Variants in KCNH7 observed in about 807,000 individuals in gnomAD.
KCNH7 encodes potassium voltage-gated channel subfamily H member 7, also known as voltage-gated inwardly rectifying potassium channel KCNH7.
A neutral mutation model predicts 120.8 loss-of-function variants in KCNH7; 49 were observed. The observed-to-expected ratio is 0.41, with a 90% CI of 0.32 to 0.51. The LOEUF is 0.51. Ranked by LOEUF, KCNH7 falls within the 20% of genes least tolerant of loss-of-function variation. KCNH7 has a pLI of 0.38. For missense variants in KCNH7, 1,097 were observed against 1,446.6 expected (o/e 0.76, Z 3.92); for synonymous variants, 547 against 516.1 (o/e 1.06, Z -0.81).
chr2:162,599,847 TC>T (rs2105949030), intron 2 of KCNH7, among the ~76,000 whole-genome samples: 1 of 152,038 alleles, frequency 6.6e-6, no homozygotes, highest in Admixed American at 6.6e-5. Context: ...AACTTTCTAA[TC>T]AGTGAAGCCA....
In KCNH7 at chr2:162,442,002, T is replaced by C. The variant is rs13426902; in HGVS notation, c.1554+4016A>G. Among the ~76,000 whole-genome samples, 430 of 70,158 alleles carry C rather than the reference T, an allele frequency of 6.1e-3. 6 individuals carry two copies. The highest frequency in any genetic ancestry group is 0.039 in the Admixed American group (227 of 5,852). 46.0% of individuals were successfully genotyped at this position (70,158 alleles called of 152,430 possible). A position where few individuals can be genotyped will look rare whatever the true frequency, so the allele number is the denominator to read the frequency against. Reference sequence around the variant, plus strand: ...AAAAATTAAATAGTTAGGTCTTCTTTTTTTTTTTTTTTTTTTTTTTTTTTT... The same window carrying C: ...AAAAATTAAATAGTTAGGTCTTCTTCTTTTTTTTTTTTTTTTTTTTTTTTT... On this transcript the variant is annotated intron_variant, in intron 7 of 15. Coordinates refer to ENST00000332142, the MANE Select transcript of KCNH7 (RefSeq NM_033272.4).
intron 9 of KCNH7, among the ~76,000 whole-genome samples, chr2:162,413,374 G>A (rs560643268): frequency 8.6e-5 from 13 of 152,030 alleles, no homozygotes; most frequent in African/African-American, 2.9e-4. Context: ...TGATCCACCC[G>A]CTTTGGCCTC....
intron 2 of KCNH7, among the ~76,000 whole-genome samples, chr2:162,790,979 G>T (rs1574395958): frequency 1.3e-5 from 2 of 152,110 alleles, no homozygotes; most frequent in African/African-American, 4.8e-5. Context: ...AAAATATTAG[G>T]CAAGGAAAAG....
chr2:162,597,727 T>G (rs1694424157), intron 2 of KCNH7, among the ~76,000 whole-genome samples: 1 of 152,118 alleles, frequency 6.6e-6, no homozygotes, highest in Non-Finnish European at 1.5e-5. Context: ...ATGAAAAGTA[T>G]GTAAGGTGAT....
intron 6 of KCNH7, among the ~76,000 whole-genome samples, chr2:162,476,597 G>A (rs1337631739): frequency 6.6e-6 from 1 of 151,998 alleles, no homozygotes; most frequent in Non-Finnish European, 1.5e-5. Flanking sequence ...CATTTGCTCT[G>A]TATCCTTAAT....
intron 2 of KCNH7, among the ~76,000 whole-genome samples, chr2:162,728,002 C>T (rs1490177963): frequency 2.0e-5 from 3 of 152,096 alleles, no homozygotes; most frequent in Admixed American, 6.5e-5. Context: ...TTCATGAGTA[C>T]ATATGTTTTC....
At chr2:162,616,405 T>C (rs6432728) in intron 2 of KCNH7, among the ~76,000 whole-genome samples, 77,198 of 151,712 alleles carry the variant, frequency 0.51, 19,819 homozygotes, top group Middle Eastern at 0.62. Context: ...TTGGGGGTGG[T>C]GTGGAGAAGT....
chr2:162,762,207 T>A (rs151329075), intron 2 of KCNH7, among the ~76,000 whole-genome samples: 83 of 152,168 alleles, frequency 5.5e-4, no homozygotes, highest in African/African-American at 1.5e-3. Flanking sequence ...CTTTTTTGTT[T>A]GTTTGTTTTT....
chr2:162,670,082 C>T (rs1685290511), intron 2 of KCNH7, among the ~76,000 whole-genome samples: 1 of 152,004 alleles, frequency 6.6e-6, no homozygotes, highest in Non-Finnish European at 1.5e-5. Flanking sequence ...GCCTGGGCGA[C>T]AAGAGCGAAA....
intron 9 of KCNH7, among the ~76,000 whole-genome samples, chr2:162,409,661 T>C (rs987985238): frequency 6.6e-6 from 1 of 151,998 alleles, no homozygotes; most frequent in Non-Finnish European, 1.5e-5. Context: ...GCAGACGATA[T>C]GATTCTGTAT....
rs535432757 is a variant in KCNH7 at position 162,739,097 on chromosome 2, C to A, written c.307+97440G>T. Among the ~76,000 whole-genome samples, 8 of 152,210 alleles carry A rather than the reference C, an allele frequency of 5.3e-5. No individual in the cohort carries two copies. The South Asian group carries it at 1.2e-3, about 24-fold the overall frequency. ...TTCAGGCCCTTCTGAAATACTGATGCCCATCTTCTTTGGGAGCCTCAGATG... is the reference window on the plus strand; with the variant it reads ...TTCAGGCCCTTCTGAAATACTGATGACCATCTTCTTTGGGAGCCTCAGATG... On this transcript the variant is annotated intron_variant, in intron 2 of 15. Coordinates refer to ENST00000332142, the MANE Select transcript of KCNH7 (RefSeq NM_033272.4).
chr2:162,717,501 G>C (rs955197085), intron 2 of KCNH7, among the ~76,000 whole-genome samples: 1 of 152,058 alleles, frequency 6.6e-6, no homozygotes, highest in Non-Finnish European at 1.5e-5. Context: ...TTTGCACCTT[G>C]TCATTCTTCA....
At chr2:162,490,410 A>G (rs1574021649) in intron 6 of KCNH7, among the ~76,000 whole-genome samples, 1 of 151,988 alleles carries the variant, frequency 6.6e-6, no homozygotes, top group Admixed American at 6.6e-5. Context: ...AATAAATTCT[A>G]CTCCACTCAC....
At chr2:162,427,316 T>C (rs1481857414) in intron 8 of KCNH7, among the ~76,000 whole-genome samples, 2 of 152,146 alleles carry the variant, frequency 1.3e-5, no homozygotes, top group Admixed American at 6.5e-5. Context: ...TTGTATCATT[T>C]TACATTCTCC....
At chr2:162,727,057 T>C (rs544317306) in intron 2 of KCNH7, among the ~76,000 whole-genome samples, 413 of 152,348 alleles carry the variant, frequency 2.7e-3, no homozygotes, top group African/African-American at 9.7e-3. Context: ...ATATCATGCA[T>C]TCATACAGAT....
At chr2:162,561,796 G>T (rs563736724) in intron 2 of KCNH7, among the ~76,000 whole-genome samples, 9 of 152,274 alleles carry the variant, frequency 5.9e-5, no homozygotes, top group African/African-American at 2.2e-4. Flanking sequence ...CAGTAGCAAA[G>T]ACTTGGAACC....
intron 3 of KCNH7, among the ~76,000 whole-genome samples, chr2:162,528,833 G>A (rs1428052757): frequency 6.6e-6 from 1 of 151,974 alleles, no homozygotes; most frequent in Non-Finnish European, 1.5e-5. Context: ...GGTCTGAATA[G>A]GACAATTATA....
intron 6 of KCNH7, among the ~76,000 whole-genome samples, chr2:162,462,847 A>G (rs957309957): frequency 6.6e-6 from 1 of 152,072 alleles, no homozygotes; most frequent in Non-Finnish European, 1.5e-5. Context: ...CGTATTTCAA[A>G]ACATCACATT....
chr2:162,446,829 A>T lies in KCNH7; in HGVS notation c.1129-386T>A, dbSNP rs541906180. Reference sequence around the variant, plus strand: ...GTAATGCAGTTTTCAAATCTAGGAAAGGATTAGTTGTTATGAATAGAAGCA... The same window carrying T: ...GTAATGCAGTTTTCAAATCTAGGAATGGATTAGTTGTTATGAATAGAAGCA... On this transcript the variant is annotated intron_variant, in intron 6 of 15. Coordinates refer to ENST00000332142, the MANE Select transcript of KCNH7 (RefSeq NM_033272.4). 2.6e-5 allele frequency among the ~76,000 whole-genome samples: 4 copies of T among 152,220 alleles called. No homozygotes were observed. In the South Asian group the frequency reaches 8.3e-4, roughly 32 times the overall value.
Sources: allele counts gnomAD v4.1 joint callset (sites outside exome capture counted in the v4.1 genomes callset), GRCh38; gene constraint gnomAD v4.1.1; transcripts MANE v1.5; gene names NCBI Gene and HGNC (gene_info 2026-07-23, HGNC 2026-07-21).